The following PAX3 variants were observed in gnomAD, a reference collection of about 807,000 sequenced individuals.
PAX3 encodes paired box 3.
A neutral mutation model predicts 51.6 loss-of-function variants in PAX3; 14 were observed. That is an observed-to-expected ratio of 0.27 (90% CI 0.18 to 0.42). The LOEUF (loss-of-function observed/expected upper bound fraction) is 0.42, where lower values mean the gene tolerates loss of function less well. Ranked by LOEUF, PAX3 falls within the 10% of genes least tolerant of loss-of-function variation. PAX3 has a pLI of 1.00. For synonymous variants in PAX3, 280 were observed against 253.4 expected (o/e 1.11, Z -1.00); for missense variants, 540 against 642.8 (o/e 0.84, Z 1.73).
intron 4 of PAX3, chr2:222,265,218 T>C (rs1208039465): frequency 6.6e-6 from 1 of 152,292 alleles, no homozygotes; most frequent in East Asian, 1.9e-4. Context: ...GTGTGGATTT[T>C]GCTGTACATG....
chr2:222,269,686 C>A lies in PAX3; in HGVS notation c.586+24481G>T, dbSNP rs6710270. On this transcript the variant is annotated intron_variant, in intron 4 of 8. Transcript: ENST00000392070. Reference sequence around the variant, plus strand: ...AAAAAAAAAAGTCGTACTTAATCAGCAAATCCCTTCACCATTTTTAATACC... The same window carrying A: ...AAAAAAAAAAGTCGTACTTAATCAGAAAATCCCTTCACCATTTTTAATACC... Among the ~76,000 whole-genome samples, 1,421 of 151,188 alleles carry A rather than the reference C, an allele frequency of 9.4e-3. 13 individuals carry two copies. Among genetic ancestry groups the A allele is most frequent in the African/African-American group, 0.024 (986 of 41,256 alleles).
At chr2:222,203,613 CCAGTAAGGCAGGAAT>C (rs1412006901) in intron 7 of PAX3, among the ~76,000 whole-genome samples, 2 of 152,172 alleles carry the variant, frequency 1.3e-5, no homozygotes, top group Non-Finnish European at 2.9e-5. Context: ...TCTAGGAGTT[CCAGTAAGGCAGGAAT>C]CTGAGAGGCA....
chr2:222,235,691 C>T (rs1474549970), intron 4 of PAX3, among the ~76,000 whole-genome samples: 1 of 150,352 alleles, frequency 6.7e-6, no homozygotes, highest in Non-Finnish European at 1.5e-5. Flanking sequence ...ACAGAAACTT[C>T]CAGTGGAGGA....
At chr2:222,266,479 C>T (rs1328925456) in intron 4 of PAX3, among the ~76,000 whole-genome samples, 2 of 152,212 alleles carry the variant, frequency 1.3e-5, no homozygotes, top group African/African-American at 2.4e-5. Flanking sequence ...AAAGTAGCCC[C>T]CTCCTCAGTT....
intron 4 of PAX3, among the ~76,000 whole-genome samples, chr2:222,274,755 A>G (rs927417338): frequency 5.9e-5 from 9 of 152,208 alleles, no homozygotes; most frequent in African/African-American, 2.2e-4. Context: ...CAATACTCAG[A>G]TGGAGTACTG....
intron 5 of PAX3, among the ~76,000 whole-genome samples, chr2:222,222,934 G>A (rs1435702337): frequency 1.3e-5 from 2 of 152,148 alleles, no homozygotes; most frequent in East Asian, 1.9e-4. Flanking sequence ...TAATTTCGAC[G>A]AGCGATCGCT....
At chr2:222,220,454 A>AT in intron 6 of PAX3, 100 bp from the exon 7 acceptor site, 1 of 1,101,640 alleles carries the variant, frequency 9.1e-7, no homozygotes. Context: ...AGGAGCATCT[A>AT]TTGATCAAAT....
intron 4 of PAX3, among the ~76,000 whole-genome samples, chr2:222,247,896 A>G (rs571541226): frequency 2.7e-5 from 4 of 150,736 alleles, no homozygotes; most frequent in African/African-American, 9.6e-5. Flanking sequence ...TATCTACCTC[A>G]TTACATCTTT....
intron 4 of PAX3, among the ~76,000 whole-genome samples, chr2:222,238,145 C>T (rs1158817552): frequency 6.6e-6 from 1 of 152,126 alleles, no homozygotes; most frequent in Non-Finnish European, 1.5e-5. Context: ...CTGTCATACC[C>T]CCACAGGATT....
intron 4 of PAX3, among the ~76,000 whole-genome samples, chr2:222,257,113 A>C (rs1693675477): frequency 6.6e-6 from 1 of 152,206 alleles, no homozygotes; most frequent in Admixed American, 6.5e-5. Context: ...ACACAGATAT[A>C]TATTTTACAA....
chr2:222,265,998 T>C (rs896173189), intron 4 of PAX3, among the ~76,000 whole-genome samples: 2 of 152,172 alleles, frequency 1.3e-5, no homozygotes, highest in African/African-American at 4.8e-5. Flanking sequence ...CAGCCAGTAG[T>C]TGGTTGATCC....
rs186785569 is a variant in PAX3, at chr2:222,286,237, G to A, written c.586+7930C>T. Among the ~76,000 whole-genome samples, 249 of 152,288 alleles carry A rather than the reference G, an allele frequency of 1.6e-3. 1 individual carries two copies. Among genetic ancestry groups the A allele is most frequent in the African/African-American group, 5.6e-3 (233 of 41,568 alleles). On this transcript the variant is annotated intron_variant, in intron 4 of 8. Coordinates refer to ENST00000392070, the MANE Select transcript of PAX3 (RefSeq NM_181458.4). ...ACAGGCGTGAGCCACCGCGCCAGGC[G>A]GCTTGATCAGCTATTTTTAAACAGA...
At chr2:222,204,154 G>A (rs977055002) in intron 7 of PAX3, among the ~76,000 whole-genome samples, 1 of 152,012 alleles carries the variant, frequency 6.6e-6, no homozygotes, top group Non-Finnish European at 1.5e-5. Context: ...TGTTTTATTG[G>A]GGATTTGGAG....
At chr2:222,293,765 C>G in intron 4 of PAX3, 2 of 1,614,104 alleles carry the variant, frequency 1.2e-6, no homozygotes, top group Non-Finnish European at 1.7e-6. Flanking sequence ...TTCCTGAGGG[C>G]ATAAAAGCTA....
intron 5 of PAX3, among the ~76,000 whole-genome samples, chr2:222,226,093 AC>A: frequency 6.6e-6 from 1 of 152,254 alleles, no homozygotes; most frequent in Non-Finnish European, 1.5e-5. Context: ...AATTCAGCCT[AC>A]ATTATTCAAG....
At chr2:222,212,347 G>A (rs543387471) in intron 7 of PAX3, among the ~76,000 whole-genome samples, 1 of 152,086 alleles carries the variant, frequency 6.6e-6, no homozygotes, top group South Asian at 2.1e-4. Context: ...AGTGCTAAAG[G>A]TTACCCGAAC....
At chr2:222,270,976 A>G (rs1292068816) in intron 4 of PAX3, among the ~76,000 whole-genome samples, 1 of 152,228 alleles carries the variant, frequency 6.6e-6, no homozygotes, top group African/African-American at 2.4e-5. Context: ...CAAATCAATC[A>G]GCTACCAAAC....
chr2:222,293,072 C>T (rs1057024083), intron 4 of PAX3, among the ~76,000 whole-genome samples: 61 of 152,204 alleles, frequency 4.0e-4, no homozygotes, highest in African/African-American at 1.4e-3. Context: ...GGCTCGGACC[C>T]AGCTAGTCAC....
chr2:222,262,101 G>C (rs1693883135), intron 4 of PAX3, among the ~76,000 whole-genome samples: 1 of 152,190 alleles, frequency 6.6e-6, no homozygotes, highest in South Asian at 2.1e-4. Flanking sequence ...AGTATACGTA[G>C]ACTCATATGT....
Sources: gnomAD v4.1 joint callset for allele counts (sites outside exome capture counted in the v4.1 genomes callset) on GRCh38, gnomAD v4.1.1 for gene constraint, MANE v1.5 for transcripts, NCBI Gene and HGNC (gene_info 2026-07-23, HGNC 2026-07-21) for gene names.